The following BANF2 variants were observed in gnomAD, a reference collection of about 807,000 sequenced individuals.
The protein encoded by BANF2 is BANF family member 2, also known as barrier-to-autointegration factor-like protein.
In BANF2, 4 loss-of-function variants were observed where a neutral mutation model predicts 8.0. The observed-to-expected ratio is 0.50, with a 90% CI of 0.25 to 1.14. The LOEUF is 1.14. Ranked by LOEUF, BANF2 falls within the 50% of genes most tolerant of loss-of-function variation. The pLI, the probability that BANF2 is intolerant of heterozygous loss-of-function variation, is 0.16. For synonymous variants in BANF2, 50 were observed against 40.6 expected (o/e 1.23, Z -0.88); for missense variants, 96 against 107.5 (o/e 0.89, Z 0.47).
intron 1 of BANF2, among the ~76,000 whole-genome samples, chr20:17,700,916 G>T (rs1000447702): frequency 6.6e-6 from 1 of 152,134 alleles, no homozygotes; most frequent in Non-Finnish European, 1.5e-5. Flanking sequence ...GTGCCAACAC[G>T]TCCACACAGC....
chr20:17,702,753 C>G (rs1472229461), intron 1 of BANF2, among the ~76,000 whole-genome samples: 2 of 152,196 alleles, frequency 1.3e-5, no homozygotes, highest in Non-Finnish European at 2.9e-5. Context: ...ACCTTGAACC[C>G]TGGTTCTGAT....
At chr20:17,707,927 C>T (rs2037507265) in intron 1 of BANF2, among the ~76,000 whole-genome samples, 1 of 151,092 alleles carries the variant, frequency 6.6e-6, no homozygotes, top group Non-Finnish European at 1.5e-5. Flanking sequence ...ACGGGCTGGA[C>T]ACGGTGTCTC....
At chr20:17,728,592 T>C (rs1465151111) in intron 3 of BANF2, among the ~76,000 whole-genome samples, 1 of 152,220 alleles carries the variant, frequency 6.6e-6, no homozygotes, top group Non-Finnish European at 1.5e-5. Context: ...GAGGGGACTG[T>C]TCTTACTGCC....
chr20:17,695,553 G>C (rs894579655), upstream of BANF2, among the ~76,000 whole-genome samples: 3 of 148,536 alleles, frequency 2.0e-5, no homozygotes, highest in Non-Finnish European at 4.5e-5. Flanking sequence ...ATAACAACTA[G>C]CACATTTTAG....
At chr20:17,730,327 C>T (rs1417101692) in intron 3 of BANF2, among the ~76,000 whole-genome samples, 1 of 152,192 alleles carries the variant, frequency 6.6e-6, no homozygotes, top group Non-Finnish European at 1.5e-5. Flanking sequence ...GGCGGATAGG[C>T]TGCAGGGTCT....
chr20:17,713,348 AC>A (rs1312183414), intron 1 of BANF2, among the ~76,000 whole-genome samples: 1 of 151,930 alleles, frequency 6.6e-6, no homozygotes, highest in Non-Finnish European at 1.5e-5. Context: ...CCAAAAGACA[AC>A]CCCTGTGTGA....
chr20:17,708,730 G>T (rs74848920), intron 1 of BANF2, among the ~76,000 whole-genome samples: 1 of 152,038 alleles, frequency 6.6e-6, no homozygotes, highest in African/African-American at 2.4e-5. Context: ...ATGCTCAAAG[G>T]GTGGCTGATT....
intron 3 of BANF2, among the ~76,000 whole-genome samples, 170 bp from the exon 4 acceptor site, chr20:17,735,495 A>G (rs2037964072): frequency 6.6e-6 from 1 of 152,210 alleles, no homozygotes; most frequent in Non-Finnish European, 1.5e-5. Flanking sequence ...AGCTCTCACC[A>G]GGGCTAAGAC....
chr20:17,715,839 T>C (rs1283081393), intron 1 of BANF2, among the ~76,000 whole-genome samples: 5 of 152,244 alleles, frequency 3.3e-5, no homozygotes, highest in Admixed American at 2.0e-4. Context: ...ATTTTGTTTA[T>C]TTTTGCCTGA....
chr20:17,705,377 C>T lies in BANF2; in HGVS notation c.-167+5322C>T, dbSNP rs191000590. On this transcript the variant is annotated intron_variant, in intron 1 of 3. Transcript: ENST00000246090. The stretch of plus-strand genomic sequence containing the variant: ...CGGGAGCCTCATAAATTCCAGAGGG[C>T]CCACAGCTAACCAGGCCTCCCAATC... 1.1e-4 allele frequency among the ~76,000 whole-genome samples: 17 copies of T among 152,318 alleles called. No homozygotes were observed. The East Asian group carries it at 2.5e-3, about 22-fold the overall frequency.
chr20:17,716,421 C>T (rs1351133159), intron 1 of BANF2, among the ~76,000 whole-genome samples: 3 of 152,140 alleles, frequency 2.0e-5, no homozygotes, highest in Non-Finnish European at 2.9e-5. Flanking sequence ...CAGCCTTGAC[C>T]TCCCCAGGCC....
At chr20:17,710,972 T>C (rs2122591763) in intron 1 of BANF2, among the ~76,000 whole-genome samples, 1 of 152,320 alleles carries the variant, frequency 6.6e-6, no homozygotes, top group South Asian at 2.1e-4. Context: ...GAAATCAGGA[T>C]GCCCAGTGAA....
intron 3 of BANF2, among the ~76,000 whole-genome samples, chr20:17,725,957 T>A (rs1303892973): frequency 6.6e-6 from 1 of 152,150 alleles, no homozygotes; most frequent in East Asian, 1.9e-4. Flanking sequence ...CATCTACATC[T>A]GAACCATGAG....
At chr20:17,733,081 T>A (rs2037925060) in intron 3 of BANF2, among the ~76,000 whole-genome samples, 1 of 152,190 alleles carries the variant, frequency 6.6e-6, no homozygotes, top group Admixed American at 6.5e-5. Flanking sequence ...AGACGGGGCT[T>A]CCTGTAGCAT....
chr20:17,696,803 C>T (rs561353578), upstream of BANF2, among the ~76,000 whole-genome samples: 51 of 152,230 alleles, frequency 3.4e-4, no homozygotes, highest in African/African-American at 9.9e-4. Context: ...AGCCAAGCCG[C>T]GATTGGATCT....
intron 1 of BANF2, among the ~76,000 whole-genome samples, chr20:17,700,876 G>C (rs2037398117): frequency 6.6e-6 from 1 of 152,180 alleles, no homozygotes; most frequent in Admixed American, 6.5e-5. Flanking sequence ...TTTTCCCACA[G>C]TCTGTCTACG....
At chr20:17,715,688 G>A (rs1382047961) in intron 1 of BANF2, among the ~76,000 whole-genome samples, 1 of 152,148 alleles carries the variant, frequency 6.6e-6, no homozygotes, top group East Asian at 1.9e-4. Flanking sequence ...TTTGTGCCCA[G>A]CACAGTGCTC....
chr20:17,723,305 C>T (rs1009905685), intron 2 of BANF2, among the ~76,000 whole-genome samples: 3 of 152,112 alleles, frequency 2.0e-5, no homozygotes, highest in Admixed American at 2.0e-4. Context: ...TGTTGGGGGC[C>T]CCTAGGAAAA....
At chr20:17,719,055 G>A in intron 1 of BANF2, among the ~76,000 whole-genome samples, 1 of 152,230 alleles carries the variant, frequency 6.6e-6, no homozygotes, top group Non-Finnish European at 1.5e-5. Flanking sequence ...CCTTAGAAGA[G>A]GGGCGCTCCC....
Sources: allele counts gnomAD v4.1 joint callset (sites outside exome capture counted in the v4.1 genomes callset), GRCh38; gene constraint gnomAD v4.1.1; transcripts MANE v1.5; gene names NCBI Gene and HGNC (gene_info 2026-07-23, HGNC 2026-07-21).